The following ADGRB3 variants were observed in gnomAD, a reference collection of about 807,000 sequenced individuals.
ADGRB3 encodes the protein adhesion G protein-coupled receptor B3.
Under a neutral mutation model 193.4 loss-of-function variants are expected in ADGRB3, and 37 were observed. That is an observed-to-expected ratio of 0.19 (90% confidence interval 0.15 to 0.25). ADGRB3 has a LOEUF of 0.25. Among genes scored for constraint, ADGRB3 ranks in the 10% least tolerant of loss-of-function variants. The pLI, the probability that ADGRB3 is intolerant of heterozygous loss-of-function variation, is 1.00. For missense variants in ADGRB3, 1,637 were observed against 1,852.9 expected (o/e 0.88, Z 2.14); for synonymous variants, 690 against 644.2 (o/e 1.07, Z -1.08).
At chr6:68,703,797 A>G (rs1765281570) in intron 3 of ADGRB3, among the ~76,000 whole-genome samples, 1 of 151,934 alleles carries the variant, frequency 6.6e-6, no homozygotes, top group South Asian at 2.1e-4. Context: ...TAATTTTTGT[A>G]TTTTTAGTAG....
In ADGRB3 at chr6:68,913,973, C is replaced by T. The variant is rs1028657592; in HGVS notation, c.758-16586C>T. ...GGAAGATGAAATGAAGGAAATGAAG[C>T]GAGAAGGGAAGTTTAGAGAAAAAAG... On this transcript the variant is annotated intron_variant, in intron 3 of 31. Transcript: ENST00000370598. 2.3e-4 allele frequency among the ~76,000 whole-genome samples: 34 copies of T among 149,888 alleles called. No individual in the cohort carries two copies. The East Asian group carries it at 2.3e-3, about 10-fold the overall frequency.
chr6:69,192,149 C>T (rs1765202231), intron 17 of ADGRB3, among the ~76,000 whole-genome samples: 1 of 152,102 alleles, frequency 6.6e-6, no homozygotes, highest in Non-Finnish European at 1.5e-5. Context: ...TGAGGTCCCT[C>T]AATAGGCTGT....
At chr6:68,944,220 A>G in intron 6 of ADGRB3, among the ~76,000 whole-genome samples, 1 of 152,272 alleles carries the variant, frequency 6.6e-6, no homozygotes, top group East Asian at 1.9e-4. Flanking sequence ...TTATATTTCT[A>G]CAAATGTGTA....
At chr6:68,808,177 T>G (rs965275843) in intron 3 of ADGRB3, among the ~76,000 whole-genome samples, 1 of 152,204 alleles carries the variant, frequency 6.6e-6, no homozygotes, top group African/African-American at 2.4e-5. Context: ...TTTTTTATTT[T>G]ACAATAGATA....
intron 20 of ADGRB3, among the ~76,000 whole-genome samples, chr6:69,316,231 GTAAA>G (rs146418367): frequency 0.034 from 5,201 of 151,230 alleles, 279 homozygotes; most frequent in African/African-American, 0.11. Flanking sequence ...GCAAAAAGCA[GTAAA>G]TAGTTATATT....
At chr6:69,163,182 A>G (rs1471034559) in intron 17 of ADGRB3, among the ~76,000 whole-genome samples, 1 of 151,934 alleles carries the variant, frequency 6.6e-6, no homozygotes, top group Non-Finnish European at 1.5e-5. Flanking sequence ...CCTAACCACT[A>G]CCTCTCACAT....
chr6:69,044,669 A>C (rs1189416400), intron 13 of ADGRB3, among the ~76,000 whole-genome samples: 1 of 152,244 alleles, frequency 6.6e-6, no homozygotes, highest in African/African-American at 2.4e-5. Flanking sequence ...TTAAAATTGC[A>C]AAATGGAAGT....
intron 13 of ADGRB3, among the ~76,000 whole-genome samples, chr6:69,035,403 G>A (rs1266886701): frequency 1.3e-5 from 2 of 151,958 alleles, no homozygotes; most frequent in African/African-American, 4.8e-5. Flanking sequence ...GATGAAGTAA[G>A]TATCTACAGA....
At chr6:68,653,867 C>T (rs1174615533) in intron 3 of ADGRB3, among the ~76,000 whole-genome samples, 5 of 151,866 alleles carry the variant, frequency 3.3e-5, no homozygotes, top group East Asian at 3.9e-4. Flanking sequence ...TGTATTCTTT[C>T]GTCTTTTCTC....
At chr6:69,080,567 A>G (rs1369833511) in intron 17 of ADGRB3, among the ~76,000 whole-genome samples, 2 of 151,938 alleles carry the variant, frequency 1.3e-5, no homozygotes, top group South Asian at 2.1e-4. Flanking sequence ...TAAAACAGCA[A>G]TATCATGGTC....
chr6:69,032,618 AT>A (rs1182644742), intron 13 of ADGRB3, among the ~76,000 whole-genome samples: 1 of 152,152 alleles, frequency 6.6e-6, no homozygotes, highest in Non-Finnish European at 1.5e-5. Context: ...CAAAAATCTT[AT>A]TTTGTTTGGT....
At chr6:68,952,816 A>C (rs967983563) in intron 6 of ADGRB3, among the ~76,000 whole-genome samples, 1 of 152,144 alleles carries the variant, frequency 6.6e-6, no homozygotes, top group Non-Finnish European at 1.5e-5. Flanking sequence ...CATCTAAAAT[A>C]CATGTTTTGT....
intron 3 of ADGRB3, among the ~76,000 whole-genome samples, chr6:68,642,200 C>CAGA (rs1192335361): frequency 6.6e-6 from 1 of 152,148 alleles, no homozygotes; most frequent in African/African-American, 2.4e-5. Flanking sequence ...GAAATATCTT[C>CAGA]AACATGTATT....
At chr6:68,826,406 A>T (rs1582233417) in intron 3 of ADGRB3, among the ~76,000 whole-genome samples, 1 of 152,300 alleles carries the variant, frequency 6.6e-6, no homozygotes, top group East Asian at 1.9e-4. Flanking sequence ...GTTAGGGTAT[A>T]GATAAATAAA....
chr6:69,366,098 G>A (rs1769560876), intron 29 of ADGRB3, among the ~76,000 whole-genome samples: 1 of 151,990 alleles, frequency 6.6e-6, no homozygotes, highest in African/African-American at 2.4e-5. Context: ...ACCATGTGCA[G>A]AAACAACTTT....
At chr6:68,803,920 T>G (rs1248440651) in intron 3 of ADGRB3, among the ~76,000 whole-genome samples, 3 of 152,218 alleles carry the variant, frequency 2.0e-5, no homozygotes, top group Admixed American at 6.5e-5. Context: ...ATCTTCACTT[T>G]TATCCAACAT....
At chr6:68,785,377 A>G (rs1027581740) in intron 3 of ADGRB3, among the ~76,000 whole-genome samples, 3 of 137,422 alleles carry the variant, frequency 2.2e-5, no homozygotes, top group Admixed American at 8.2e-5. Context: ...TCTTTGTTCA[A>G]TTCCCACCTA....
chr6:68,960,972 C>T (rs944001908), intron 8 of ADGRB3, among the ~76,000 whole-genome samples: 1 of 152,092 alleles, frequency 6.6e-6, no homozygotes, highest in African/African-American at 2.4e-5. Context: ...GAATACAGTC[C>T]TCTACCTCTG....
intron 20 of ADGRB3, among the ~76,000 whole-genome samples, chr6:69,267,638 G>A (rs1001348143): frequency 6.6e-6 from 1 of 152,108 alleles, no homozygotes; most frequent in African/African-American, 2.4e-5. Flanking sequence ...AATGACCATA[G>A]GGAATTAGAT....
Sources: allele counts gnomAD v4.1 joint callset (sites outside exome capture counted in the v4.1 genomes callset), GRCh38; gene constraint gnomAD v4.1.1; transcripts MANE v1.5; gene names NCBI Gene and HGNC (gene_info 2026-07-23, HGNC 2026-07-21).